The following LRP1B variants were observed in gnomAD, a reference collection of about 807,000 sequenced individuals.
LRP1B encodes LDL receptor related protein 1B, also known as low-density lipoprotein receptor-related protein 1B.
A neutral mutation model predicts 556.6 loss-of-function variants in LRP1B; 217 were observed. The ratio of observed to expected loss-of-function variants is 0.39; its 90% CI spans 0.35 to 0.44. LRP1B has a LOEUF of 0.44. Among genes scored for constraint, LRP1B ranks in the 20% least tolerant of loss-of-function variants. The pLI is 1.00. For synonymous variants in LRP1B, 2,047 were observed against 1,865.8 expected, an observed-to-expected ratio of 1.10 and a Z score of -2.50; for missense variants, 5,053 against 5,620.8, an observed-to-expected ratio of 0.90 and a Z score of 3.23.
intron 7 of LRP1B, among the ~76,000 whole-genome samples, chr2:141,147,565 C>T (rs1461044808): frequency 6.6e-6 from 1 of 152,072 alleles, no homozygotes; most frequent in Non-Finnish European, 1.5e-5. Context: ...GGCACTCCTG[C>T]TAATTTCAGC....
intron 1 of LRP1B, among the ~76,000 whole-genome samples, chr2:142,089,662 A>G (rs1706085792): frequency 6.6e-6 from 1 of 152,228 alleles, no homozygotes; most frequent in South Asian, 2.1e-4. Flanking sequence ...GTTATCATGC[A>G]TCTTAAATGC....
chr2:141,910,042 T>G (rs944012000), intron 1 of LRP1B, among the ~76,000 whole-genome samples: 1 of 151,836 alleles, frequency 6.6e-6, no homozygotes, highest in Non-Finnish European at 1.5e-5. Flanking sequence ...ATAAGAATAA[T>G]TTTCTTTGGT....
At chr2:141,263,923 A>T (rs1684794062) in intron 3 of LRP1B, among the ~76,000 whole-genome samples, 1 of 152,196 alleles carries the variant, frequency 6.6e-6, no homozygotes, top group Admixed American at 6.5e-5. Flanking sequence ...TTAATAAAAA[A>T]CAATACCCAT....
chr2:141,476,659 A>G (rs1324937294), intron 3 of LRP1B, among the ~76,000 whole-genome samples: 2 of 152,212 alleles, frequency 1.3e-5, no homozygotes, highest in Non-Finnish European at 2.9e-5. Flanking sequence ...TCTTTTCATT[A>G]TCTTTACTAG....
chr2:141,796,818 G>C (rs1695828375), intron 2 of LRP1B, among the ~76,000 whole-genome samples: 1 of 151,466 alleles, frequency 6.6e-6, no homozygotes, highest in Admixed American at 6.6e-5. Context: ...TCTTTGGGAG[G>C]AATTTTTTTT....
chr2:141,588,738 A>G (rs2105290999), intron 2 of LRP1B, among the ~76,000 whole-genome samples: 1 of 152,328 alleles, frequency 6.6e-6, no homozygotes, highest in Non-Finnish European at 1.5e-5. Context: ...GATATGAAAT[A>G]AGAACCCGGT....
At chr2:141,152,802 T>C (rs1419263095) in intron 7 of LRP1B, among the ~76,000 whole-genome samples, 1 of 151,816 alleles carries the variant, frequency 6.6e-6, no homozygotes, top group African/African-American at 2.4e-5. Context: ...TTGTTGTGTA[T>C]GGGCAAAGTA....
rs765767347 is a variant in LRP1B, at chr2:140,771,024, G to A, written c.5501-18C>T. ...ATTGCTGCCTGCATAGAATGAAAAT[G>A]AAACAAATTTCTTTAATGAAATTTT... On this transcript the variant is annotated intron_variant, in intron 33 of 90. Coordinates refer to ENST00000389484, the MANE Select transcript of LRP1B (RefSeq NM_018557.3). 27 of 1,536,774 alleles carry A rather than the reference G, an allele frequency of 1.8e-5. No homozygotes were observed. The highest frequency in any genetic ancestry group is 7.1e-5 in the African/African-American group (5 of 69,982).
At chr2:141,749,056 T>C (rs1694011343) in intron 2 of LRP1B, among the ~76,000 whole-genome samples, 1 of 152,198 alleles carries the variant, frequency 6.6e-6, no homozygotes, top group Non-Finnish European at 1.5e-5. Context: ...GAGATATTTT[T>C]ATAAAACGAA....
At chr2:141,840,688 A>G (rs1295084856) in intron 1 of LRP1B, among the ~76,000 whole-genome samples, 5 of 152,194 alleles carry the variant, frequency 3.3e-5, no homozygotes, top group Non-Finnish European at 7.4e-5. Context: ...ACAAAATAAC[A>G]TAAGTGAATT....
intron 66 of LRP1B, among the ~76,000 whole-genome samples, chr2:140,441,050 A>G (rs1280267240): frequency 6.6e-6 from 1 of 152,116 alleles, no homozygotes; most frequent in Non-Finnish European, 1.5e-5. Context: ...ATTAAGTAAG[A>G]TAATCACTCT....
intron 2 of LRP1B, among the ~76,000 whole-genome samples, chr2:141,518,323 G>C (rs549294536): frequency 1.3e-5 from 2 of 152,008 alleles, no homozygotes; most frequent in Non-Finnish European, 2.9e-5. Context: ...TATTCTTAAG[G>C]TGAAGTCAGA....
intron 6 of LRP1B, among the ~76,000 whole-genome samples, chr2:141,222,602 C>G (rs1413907215): frequency 6.6e-6 from 1 of 152,098 alleles, no homozygotes; most frequent in Non-Finnish European, 1.5e-5. Flanking sequence ...TCCAATATCC[C>G]CAATGAACAT....
At chr2:140,984,627 C>T (rs1696864817) in intron 17 of LRP1B, among the ~76,000 whole-genome samples, 1 of 152,064 alleles carries the variant, frequency 6.6e-6, no homozygotes, top group South Asian at 2.1e-4. Flanking sequence ...GAACCTGTCT[C>T]ATATTGTGTA....
intron 31 of LRP1B, among the ~76,000 whole-genome samples, chr2:140,816,426 T>G (rs890737384): frequency 6.6e-6 from 1 of 152,116 alleles, no homozygotes; most frequent in Admixed American, 6.5e-5. Context: ...CCAACTGAAT[T>G]TTTTAATGTA....
chr2:140,584,154 A>T (rs1558984295), intron 43 of LRP1B, among the ~76,000 whole-genome samples: 3 of 152,254 alleles, frequency 2.0e-5, no homozygotes, highest in South Asian at 4.1e-4. Flanking sequence ...TGTAAAACTT[A>T]CAAAAAACAC....
intron 32 of LRP1B, among the ~76,000 whole-genome samples, chr2:140,790,063 T>C (rs1006953734): frequency 2.0e-5 from 3 of 152,148 alleles, no homozygotes; most frequent in African/African-American, 7.2e-5. Context: ...GAAGCTCTCT[T>C]ATTTTATTTC....
chr2:141,786,033 A>C (rs1410112914), intron 2 of LRP1B, among the ~76,000 whole-genome samples: 1 of 151,914 alleles, frequency 6.6e-6, no homozygotes, highest in Non-Finnish European at 1.5e-5. Flanking sequence ...AGTGAGATGC[A>C]TGGCATTTTC....
intron 2 of LRP1B, among the ~76,000 whole-genome samples, chr2:141,667,627 C>T (rs1690493391): frequency 6.6e-6 from 1 of 152,126 alleles, no homozygotes; most frequent in South Asian, 2.1e-4. Context: ...AGCTTTAGAC[C>T]ATATATGTTC....
Sources: allele counts gnomAD v4.1 joint callset (sites outside exome capture counted in the v4.1 genomes callset), GRCh38; gene constraint gnomAD v4.1.1; transcripts MANE v1.5; gene names NCBI Gene and HGNC (gene_info 2026-07-23, HGNC 2026-07-21).